Variants in MS4A3 observed in about 807,000 individuals in gnomAD.
The protein encoded by MS4A3 is membrane spanning 4-domains A3, also known as membrane-spanning 4-domains subfamily A member 3.
In MS4A3, 18 loss-of-function variants were observed where a neutral mutation model predicts 24.7. That is an observed-to-expected ratio of 0.73 (90% CI 0.50 to 1.08). The LOEUF (loss-of-function observed/expected upper bound fraction) is 1.08, where lower values mean the gene tolerates loss of function less well. Ranked by LOEUF, MS4A3 falls within the 50% of genes least tolerant of loss-of-function variation. The pLI, the probability that MS4A3 is intolerant of heterozygous loss-of-function variation, is 0.00. For missense variants in MS4A3, 282 were observed against 251.7 expected (o/e 1.12, Z -0.82); for synonymous variants, 84 against 95.3 (o/e 0.88, Z 0.69).
At chr11:60,068,608 A>G (rs772997401) in intron 5 of MS4A3, among the ~76,000 whole-genome samples, 10 of 151,956 alleles carry the variant, frequency 6.6e-5, no homozygotes, top group Non-Finnish European at 1.3e-4. Flanking sequence ...TCTGAACTCT[A>G]CTTAGAAATT....
At position 60,064,299 on chromosome 11, in the gene MS4A3, T is replaced by C. The variant is rs147428995; in HGVS notation, c.332T>C (p.Ile111Thr). ...SSGTLSVVAG[I>T]KPTRTWIQNS... The stretch of plus-strand genomic sequence containing the variant: ...GGAACCTTGTCTGTTGTAGCAGGGA[T>C]AAAACCCACAAGAACATGGGTAAGT... Residue 111 changes from isoleucine to threonine, a missense_variant, in exon 4 of 7, where the codon ATA becomes ACA. Physicochemically the swap from Ile to Thr is moderately conservative, Grantham distance 89. Transcript: ENST00000278865. 6.2e-7 allele frequency: 1 copy of C among 1,604,742 alleles called. No homozygotes were observed. The highest frequency in any genetic ancestry group is 1.7e-5 in the Admixed American group (1 of 58,530).
At position 60,061,246 on chromosome 11, in the gene MS4A3, T is replaced by C; in HGVS notation, c.86T>C (p.Leu29Pro). 4 of 1,613,980 alleles carry C rather than the reference T, an allele frequency of 2.5e-6. No homozygotes were observed. The highest frequency in any genetic ancestry group is 3.4e-6 in the Non-Finnish European group (4 of 1,179,942). ...TPGSEAGPEE[L>P]NTSVYQPIDG... Reference sequence around the variant, plus strand: ...GGCAGTGAGGCGGGACCAGAAGAGCTGAATACTTCTGTCTACCAGCCCATA... The same window carrying C: ...GGCAGTGAGGCGGGACCAGAAGAGCCGAATACTTCTGTCTACCAGCCCATA... The change falls in exon 2 of 7, where the codon CTG (leucine) becomes CCG (proline). Residue 29 changes from leucine (L) to proline (P), a missense_variant. By Grantham distance (98) the Leu-to-Pro change is moderately conservative. Coordinates refer to ENST00000278865, the MANE Select transcript of MS4A3 (RefSeq NM_006138.5).
Position 60,061,255 on chromosome 11 carries a change from C to T in MS4A3, c.95C>T (p.Ser32Phe). 1 of 1,614,032 alleles carries T rather than the reference C, an allele frequency of 6.2e-7. No homozygotes were observed. The highest frequency in any genetic ancestry group is 8.5e-7 in the Non-Finnish European group (1 of 1,179,954). ...GCGGGACCAGAAGAGCTGAATACTT[C>T]TGTCTACCAGCCCATAGATGGATCA... ...SEAGPEELNT[S>F]VYQPIDGSPD... Residue 32 changes from serine (S) to phenylalanine (F), a missense_variant, in exon 2 of 7, where the codon TCT (serine) becomes TTT (phenylalanine). Coordinates refer to ENST00000278865, the MANE Select transcript of MS4A3 (RefSeq NM_006138.5).
chr11:60,065,636 A>G (rs1855348415), intron 4 of MS4A3, among the ~76,000 whole-genome samples: 1 of 152,134 alleles, frequency 6.6e-6, no homozygotes, highest in African/African-American at 2.4e-5. Flanking sequence ...TGCTAAAACA[A>G]CGGTCAACTC....
intron 6 of MS4A3, among the ~76,000 whole-genome samples, chr11:60,069,949 T>G (rs2134671710): frequency 6.6e-6 from 1 of 152,356 alleles, no homozygotes; most frequent in Non-Finnish European, 1.5e-5. Flanking sequence ...CTTGTAACTT[T>G]CTAATTGTAT....
rs748691664 is a variant in MS4A3 at position 60,069,711 on chromosome 11, C to G, written c.615+36C>G. On this transcript the variant is annotated intron_variant, in intron 6 of 6. Coordinates refer to ENST00000278865, the MANE Select transcript of MS4A3 (RefSeq NM_006138.5). Reference sequence around the variant, plus strand: ...TCAAATGATTAATCATTCACATGATCTCAAAGCCTCCCTGTAGGGTTTGAA... The same window carrying G: ...TCAAATGATTAATCATTCACATGATGTCAAAGCCTCCCTGTAGGGTTTGAA... 1.4e-5 allele frequency: 20 copies of G among 1,470,772 alleles called. 1 individual carries two copies. The South Asian group carries it at 2.0e-4, about 15-fold the overall frequency. The allele number at this position is 1,470,772 out of a possible 1,614,324, so 91.1% of individuals were successfully genotyped here. A position where few individuals can be genotyped will look rare whatever the true frequency, so the allele number is the denominator to read the frequency against.
chr11:60,062,630 A>G (rs481950), intron 3 of MS4A3, 25 bp downstream of exon 3: 969,102 of 1,610,900 alleles, frequency 0.6, 295,549 homozygotes, highest in Admixed American at 0.71. Flanking sequence ...TCCCCTGGCT[A>G]TATGTTATTT....
rs79224552 is a variant in MS4A3, at chr11:60,070,909, T to C, written c.*676T>C. On this transcript the variant is annotated 3_prime_UTR_variant, in exon 7 of 7. Transcript: ENST00000278865. ...CAAAGGACAATGGGAAACTGTAAAG[T>C]AGAGAACTAAAGAATAAGGCCTTTA... 2.0e-5 allele frequency: 3 copies of C among 152,194 alleles called. No homozygotes were observed. Among genetic ancestry groups the C allele is most frequent in the Non-Finnish European group, 4.4e-5 (3 of 68,080 alleles). The allele number at this position is 152,194 out of a possible 1,614,324, so 9.4% of individuals were successfully genotyped here.
intron 5 of MS4A3, among the ~76,000 whole-genome samples, chr11:60,067,688 A>G (rs1006532824): frequency 6.6e-5 from 10 of 152,340 alleles, no homozygotes; most frequent in African/African-American, 9.6e-5. Context: ...AAGGCTTAGC[A>G]TATCATGATA....
chr11:60,061,071 C>T (rs1182604686), intron 1 of MS4A3, 75 bp from the exon 2 acceptor site: 2 of 1,381,294 alleles, frequency 1.4e-6, no homozygotes, highest in Non-Finnish European at 2.0e-6. Context: ...TTGAACCCTT[C>T]TGTAACACTC....
rs369481016 is a variant in MS4A3 at position 60,058,757 on chromosome 11, C to T, written c.-16+2017C>T. On this transcript the variant is annotated intron_variant, in intron 1 of 6. Transcript: ENST00000278865. The stretch of plus-strand genomic sequence containing the variant: ...GGCGAGAGATTATCTGGTCATAAAG[C>T]AGCAACATTCTCCGTATTGCATGCA... Among the ~76,000 whole-genome samples, 74 of 152,156 alleles carry T rather than the reference C, an allele frequency of 4.9e-4. No homozygotes were observed. In the South Asian group the frequency reaches 0.015, roughly 30 times the overall value.
At chr11:60,062,192 T>C (rs879498095) in intron 2 of MS4A3, among the ~76,000 whole-genome samples, 16 of 152,156 alleles carry the variant, frequency 1.1e-4, no homozygotes, top group Non-Finnish European at 1.9e-4. Flanking sequence ...TTACCAATCA[T>C]GTCTGTTTTA....
In MS4A3 at chr11:60,067,050, A is replaced by C. The variant is rs919126440; in HGVS notation, c.451A>C (p.Arg151=). ...TATAGCAGTTAATATCCAGTCATTA[A>C]GGAGTTGTCACTCTTCATCAGAGTC... The part of the protein sequence containing the change: ...LNIAVNIQSL[R]SCHSSSESPD... The change falls in exon 5 of 7, where the codon AGG becomes CGG. Residue 151 remains arginine, a synonymous_variant. Transcript: ENST00000278865. 2 of 1,613,492 alleles carry C rather than the reference A, an allele frequency of 1.2e-6. No homozygotes were observed. Among genetic ancestry groups the C allele is most frequent in the Non-Finnish European group, 1.7e-6 (2 of 1,179,864 alleles).
In MS4A3 at chr11:60,070,352, A is replaced by C; in HGVS notation, c.*119A>C. 5 of 763,464 alleles carry C rather than the reference A, an allele frequency of 6.5e-6. No homozygotes were observed. The highest frequency in any genetic ancestry group is 1.1e-5 in the Non-Finnish European group (5 of 455,650). The allele number at this position is 763,464 out of a possible 1,614,324, so 47.3% of individuals were successfully genotyped here. A position where few individuals can be genotyped will look rare whatever the true frequency, so the allele number is the denominator to read the frequency against. On this transcript the variant is annotated 3_prime_UTR_variant, in exon 7 of 7. Coordinates refer to ENST00000278865, the MANE Select transcript of MS4A3 (RefSeq NM_006138.5). ...CCTGCTCGTAAAGCTCAATCCTTCT[A>C]TCATGGCACCAATCACAAGAACCTT... is the stretch of plus-strand genomic sequence containing the variant.
At chr11:60,064,113 A>G (rs1194700113) in intron 3 of MS4A3, 149 bp from the exon 4 acceptor site, 2 of 345,744 alleles carry the variant, frequency 5.8e-6, no homozygotes, top group Non-Finnish European at 1.1e-5. Context: ...AGTGAGCAGC[A>G]TCAAGTACAA....
rs138648858 is a variant in MS4A3, at chr11:60,070,667, A to G, written c.*434A>G. The stretch of plus-strand genomic sequence containing the variant: ...AGAAAAATGAGACATTTTTTCCATT[A>G]CAGAGAAATGCTTCTTGACTTTAAC... On this transcript the variant is annotated 3_prime_UTR_variant, in exon 7 of 7. Transcript: ENST00000278865. 1.3e-5 allele frequency: 2 copies of G among 154,290 alleles called. No individual in the cohort carries two copies. The highest frequency in any genetic ancestry group is 2.9e-5 in the Non-Finnish European group (2 of 69,496). 9.6% of individuals were successfully genotyped at this position (154,290 alleles called of 1,614,324 possible). A position where few individuals can be genotyped will look rare whatever the true frequency, so the allele number is the denominator to read the frequency against.
intron 2 of MS4A3, 115 bp downstream of exon 2, chr11:60,061,431 CCT>C (rs1490683647): frequency 7.9e-7 from 1 of 1,263,276 alleles, no homozygotes; most frequent in East Asian, 2.5e-5. Flanking sequence ...ATTTCTTCCA[CCT>C]CTGTTTGCCA....
In MS4A3 at chr11:60,070,293, C is replaced by A. The variant is rs940069015; in HGVS notation, c.*60C>A. ...ATTTGACCTTAAATCTCCAGTGACT[C>A]AGAGCTTCACCCACAAACTCAGGAG... On this transcript the variant is annotated 3_prime_UTR_variant, in exon 7 of 7. Coordinates refer to ENST00000278865, the MANE Select transcript of MS4A3 (RefSeq NM_006138.5). The A allele has an allele frequency of 5.9e-6, 8 of 1,363,294 alleles. No individual in the cohort carries two copies. The highest frequency in any genetic ancestry group is 8.4e-6 in the Non-Finnish European group (8 of 957,270). The allele number at this position is 1,363,294 out of a possible 1,614,324, so 84.4% of individuals were successfully genotyped here.
intron 4 of MS4A3, among the ~76,000 whole-genome samples, chr11:60,064,987 A>G (rs1251062228): frequency 6.6e-6 from 1 of 152,162 alleles, no homozygotes. Flanking sequence ...CTACTTGAGT[A>G]TAAGATTCCA....
Sources: allele counts gnomAD v4.1 joint callset (sites outside exome capture counted in the v4.1 genomes callset), GRCh38; gene constraint gnomAD v4.1.1; transcripts MANE v1.5; gene names NCBI Gene and HGNC (gene_info 2026-07-23, HGNC 2026-07-21).